KCNJ3: variants seen among roughly 807,000 people sequenced by gnomAD.
The protein encoded by KCNJ3 is G protein-activated inward rectifier potassium channel 1.
A neutral mutation model predicts 39.2 loss-of-function variants in KCNJ3; 4 were observed. That is an observed-to-expected ratio of 0.10 (90% CI 0.05 to 0.23). The LOEUF is 0.23. Among genes scored for constraint, KCNJ3 ranks in the 10% least tolerant of loss-of-function variants. The pLI, the probability that KCNJ3 is intolerant of heterozygous loss-of-function variation, is 1.00. For synonymous variants in KCNJ3, 230 were observed against 237.4 expected (o/e 0.97, Z 0.29); for missense variants, 276 against 634.9 (o/e 0.43, Z 6.08).
At chr2:154,753,084 G>A (rs1685876046) in intron 2 of KCNJ3, among the ~76,000 whole-genome samples, 1 of 151,992 alleles carries the variant, frequency 6.6e-6, no homozygotes, top group Admixed American at 6.6e-5. Context: ...TATCGGATAA[G>A]AATTTTTCTC....
intron 2 of KCNJ3, among the ~76,000 whole-genome samples, chr2:154,819,706 T>A (rs1052594215): frequency 6.6e-6 from 1 of 151,842 alleles, no homozygotes; most frequent in African/African-American, 2.4e-5. Context: ...AATTTTTGTA[T>A]TTTTAGTAGA....
rs1685295002 is a variant in KCNJ3, at chr2:154,723,281, T to C, written c.919+13462T>C. Among the ~76,000 whole-genome samples, 3 of 140,476 alleles carry C rather than the reference T, an allele frequency of 2.1e-5. No individual in the cohort carries two copies. In the South Asian group the frequency reaches 6.9e-4, roughly 32 times the overall value. 92.2% of individuals were successfully genotyped at this position (140,476 alleles called of 152,430 possible). A position where few individuals can be genotyped will look rare whatever the true frequency, so the allele number is the denominator to read the frequency against. On this transcript the variant is annotated intron_variant, in intron 2 of 2. Coordinates refer to ENST00000295101, the MANE Select transcript of KCNJ3 (RefSeq NM_002239.4). ...GCCTGGGCAACAGAGTGAGATCCTG[T>C]CTCAAAAATAAAAAGATAAAATAAA...
Position 154,731,559 on chromosome 2 carries a change from C to A in KCNJ3, c.919+21740C>A, listed in dbSNP as rs115270802. Among the ~76,000 whole-genome samples the A allele has an allele frequency of 8.2e-3, 1,241 of 151,792 alleles. 12 individuals carry two copies. Among genetic ancestry groups the A allele is most frequent in the African/African-American group, 0.028 (1,162 of 41,428 alleles). ...AGTTAAGTACATATTTGAGTTAAGG[C>A]AAATAACTTCTTTGGGTATCTTTTA... On this transcript the variant is annotated intron_variant, in intron 2 of 2. Transcript: ENST00000295101.
intron 2 of KCNJ3, among the ~76,000 whole-genome samples, chr2:154,827,543 G>A (rs1574477126): frequency 6.6e-6 from 1 of 152,078 alleles, no homozygotes; most frequent in African/African-American, 2.4e-5. Context: ...AAGAGACAGG[G>A]ACCCTTTCTA....
intron 2 of KCNJ3, among the ~76,000 whole-genome samples, chr2:154,718,037 T>C (rs1014302803): frequency 1.3e-5 from 2 of 152,182 alleles, no homozygotes; most frequent in Admixed American, 6.5e-5. Context: ...CTAGTTTCCT[T>C]GTTTCCGCCC....
rs1687838708 is a variant in KCNJ3, at chr2:154,856,325, G to A, written c.*1012G>A. ...TCTGTGTGAAGTTACACAATTAATTGTCCCTGTTTCAAACTGAGTAAATTG... is the reference window on the plus strand; with the variant it reads ...TCTGTGTGAAGTTACACAATTAATTATCCCTGTTTCAAACTGAGTAAATTG... On this transcript the variant is annotated 3_prime_UTR_variant, in exon 3 of 3. Transcript: ENST00000295101. The A allele has an allele frequency of 6.6e-6, 1 of 152,532 alleles. No homozygotes were observed. Among genetic ancestry groups the A allele is most frequent in the Non-Finnish European group, 1.5e-5 (1 of 67,964 alleles). 9.4% of individuals were successfully genotyped at this position (152,532 alleles called of 1,614,324 possible). A position where few individuals can be genotyped will look rare whatever the true frequency, so the allele number is the denominator to read the frequency against.
intron 2 of KCNJ3, among the ~76,000 whole-genome samples, chr2:154,822,684 CATTA>C (rs1687204275): frequency 6.6e-6 from 1 of 151,890 alleles, no homozygotes; most frequent in African/African-American, 2.4e-5. Context: ...GTAAATGAAA[CATTA>C]ATTAATATGC....
At chr2:154,723,412 A>G (rs1685297127) in intron 2 of KCNJ3, among the ~76,000 whole-genome samples, 1 of 152,192 alleles carries the variant, frequency 6.6e-6, no homozygotes, top group Non-Finnish European at 1.5e-5. Context: ...CTAGAAATGT[A>G]TTGGGAGTAG....
intron 2 of KCNJ3, among the ~76,000 whole-genome samples, chr2:154,773,716 G>A (rs1686282965): frequency 6.6e-6 from 1 of 151,996 alleles, no homozygotes; most frequent in Admixed American, 6.6e-5. Context: ...TTTCATTTAT[G>A]CATTTTCAGA....
intron 2 of KCNJ3, among the ~76,000 whole-genome samples, chr2:154,788,839 C>T (rs1213748335): frequency 6.7e-6 from 1 of 149,768 alleles, no homozygotes; most frequent in Non-Finnish European, 1.5e-5. Flanking sequence ...GGATAATTTT[C>T]AAGAAGTGAG....
At chr2:154,736,601 C>T (rs901698365) in intron 2 of KCNJ3, among the ~76,000 whole-genome samples, 3 of 151,994 alleles carry the variant, frequency 2.0e-5, no homozygotes, top group Non-Finnish European at 4.4e-5. Context: ...AGCAACAGAA[C>T]TCGTAAAGAG....
At chr2:154,748,006 A>G (rs993045206) in intron 2 of KCNJ3, among the ~76,000 whole-genome samples, 6 of 151,996 alleles carry the variant, frequency 3.9e-5, no homozygotes, top group Non-Finnish European at 5.9e-5. Flanking sequence ...TGGGAATCTA[A>G]TAAAACCCTA....
At chr2:154,782,680 T>C (rs1686458617) in intron 2 of KCNJ3, among the ~76,000 whole-genome samples, 1 of 152,158 alleles carries the variant, frequency 6.6e-6, no homozygotes, top group Non-Finnish European at 1.5e-5. Context: ...AAGTGTTCTC[T>C]CTGTGAAAAG....
chr2:154,720,995 A>T (rs1261464970), intron 2 of KCNJ3, among the ~76,000 whole-genome samples: 1 of 151,438 alleles, frequency 6.6e-6, no homozygotes, highest in Admixed American at 6.6e-5. Context: ...ATGTTTCAGC[A>T]TGTGTTATCT....
rs1295227823 is a variant in KCNJ3, at chr2:154,855,988, T to C, written c.*675T>C. ...GTTTAAGGTCTTGGGAGGCTTTCAA[T>C]TGTATTTTATATGAGAGAATCACAC... On this transcript the variant is annotated 3_prime_UTR_variant, in exon 3 of 3. Transcript: ENST00000295101. The C allele has an allele frequency of 6.6e-6, 1 of 152,538 alleles. No homozygotes were observed. The highest frequency in any genetic ancestry group is 1.9e-4 in the East Asian group (1 of 5,192). The allele number at this position is 152,538 out of a possible 1,614,324, so 9.4% of individuals were successfully genotyped here. A position where few individuals can be genotyped will look rare whatever the true frequency, so the allele number is the denominator to read the frequency against.
At chr2:154,725,153 T>C (rs1685331865) in intron 2 of KCNJ3, among the ~76,000 whole-genome samples, 1 of 151,488 alleles carries the variant, frequency 6.6e-6, no homozygotes, top group Non-Finnish European at 1.5e-5. Context: ...TGTTTGAAAA[T>C]AATATCTTTC....
At chr2:154,819,855 CTTAAGT>C (rs1215180120) in intron 2 of KCNJ3, among the ~76,000 whole-genome samples, 1 of 151,744 alleles carries the variant, frequency 6.6e-6, no homozygotes, top group East Asian at 1.9e-4. Flanking sequence ...ATATAACAAA[CTTAAGT>C]TTAAGTTTAA....
chr2:154,732,864 A>G (rs898369453), intron 2 of KCNJ3, among the ~76,000 whole-genome samples: 3 of 152,172 alleles, frequency 2.0e-5, no homozygotes, highest in African/African-American at 7.2e-5. Context: ...TTAATCAAGG[A>G]TGGAAAGTAC....
chr2:154,708,686 AG>A (rs1158093602), intron 1 of KCNJ3, among the ~76,000 whole-genome samples: 2 of 152,202 alleles, frequency 1.3e-5, no homozygotes, highest in Non-Finnish European at 2.9e-5. Flanking sequence ...TAAAGATAAA[AG>A]GAAATAAGTA....
Sources: gnomAD v4.1 joint callset for allele counts (sites outside exome capture counted in the v4.1 genomes callset) on GRCh38, gnomAD v4.1.1 for gene constraint, MANE v1.5 for transcripts, NCBI Gene and HGNC (gene_info 2026-07-23, HGNC 2026-07-21) for gene names.